NLRP14: variants seen among roughly 807,000 people sequenced by gnomAD.
NLRP14 encodes the protein NACHT, LRR and PYD domains-containing protein 14.
A neutral mutation model predicts 94.7 loss-of-function variants in NLRP14; 105 were observed. The observed-to-expected ratio is 1.11, with a 90% CI of 0.95 to 1.30. NLRP14 has a LOEUF of 1.30. Among genes scored for constraint, NLRP14 ranks in the 50% most tolerant of loss-of-function variants. NLRP14 has a pLI of 0.00. For missense variants in NLRP14, 1,362 were observed against 1,254.1 expected (o/e 1.09, Z -1.30); for synonymous variants, 508 against 459.9 (o/e 1.10, Z -1.34).
chr11:7,036,381 T>A (rs989818905), intron 1 of NLRP14, among the ~76,000 whole-genome samples: 4 of 152,180 alleles, frequency 2.6e-5, no homozygotes, highest in Non-Finnish European at 5.9e-5. Context: ...CTACTATAAT[T>A]GTAGATATCA....
At chr11:7,085,083 G>A in the NLRP14 span, among the ~76,000 whole-genome samples, 1 of 151,944 alleles carries the variant, frequency 6.6e-6, no homozygotes, top group South Asian at 2.1e-4. Context: ...GTAGCATTAA[G>A]TATATTCATA....
At chr11:7,089,410 C>T in the NLRP14 span, 20 of 1,580,640 alleles carry the variant, frequency 1.3e-5, no homozygotes, top group Admixed American at 9.0e-5. Flanking sequence ...CGGGGCCCGC[C>T]GCCTCCCCGC....
At chr11:7,079,207 G>A in the NLRP14 span, among the ~76,000 whole-genome samples, 1 of 152,064 alleles carries the variant, frequency 6.6e-6, no homozygotes, top group South Asian at 2.1e-4. Flanking sequence ...CTTCATCTTG[G>A]AGCTTCTCCG....
At chr11:7,035,921 A>G (rs942754270) in intron 1 of NLRP14, among the ~76,000 whole-genome samples, 1 of 152,230 alleles carries the variant, frequency 6.6e-6, no homozygotes, top group African/African-American at 2.4e-5. Context: ...TATGTAGTAG[A>G]AAGAGAATGA....
intron 1 of NLRP14, among the ~76,000 whole-genome samples, chr11:7,035,135 T>C (rs546138624): frequency 0.039 from 4,719 of 122,526 alleles, 99 homozygotes; most frequent in Middle Eastern, 0.078. Context: ...CTACTAAAAA[T>C]CCAAAAATAA....
At chr11:7,037,425 A>G (rs973528250) in intron 1 of NLRP14, among the ~76,000 whole-genome samples, 3 of 151,764 alleles carry the variant, frequency 2.0e-5, no homozygotes, top group Non-Finnish European at 2.9e-5. Context: ...TTTTCCAATC[A>G]TATTAGCAAG....
chr11:7,041,720 T>C (rs756465802), intron 3 of NLRP14, among the ~76,000 whole-genome samples: 27 of 152,178 alleles, frequency 1.8e-4, no homozygotes, highest in African/African-American at 5.3e-4. Flanking sequence ...ATGAAAAATA[T>C]ACTGTTTTGA....
chr11:7,059,752 C>T (rs977309940), intron 8 of NLRP14, 142 bp from the exon 9 acceptor site: 1 of 731,734 alleles, frequency 1.4e-6, no homozygotes, highest in Admixed American at 2.0e-5. Context: ...CCAAGTGAGA[C>T]AGGCTGGCAG....
chr11:7,069,220 G>T (rs1269699769), intron 10 of NLRP14, among the ~76,000 whole-genome samples: 1 of 152,092 alleles, frequency 6.6e-6, no homozygotes, highest in South Asian at 2.1e-4. Context: ...GGAAGATTTT[G>T]TGTGATATTT....
chr11:7,021,880 A>G (rs1851947707), intron 1 of NLRP14, among the ~76,000 whole-genome samples: 1 of 151,754 alleles, frequency 6.6e-6, no homozygotes, highest in South Asian at 2.1e-4. Context: ...GAACACTGGA[A>G]GTGGGCTGTT....
chr11:7,039,023 T>C, intron 2 of NLRP14, 148 bp downstream of exon 2: 1 of 749,146 alleles, frequency 1.3e-6, no homozygotes, highest in Non-Finnish European at 2.1e-6. Context: ...GGGAGCTTGT[T>C]GAATTATTTG....
intron 1 of NLRP14, among the ~76,000 whole-genome samples, chr11:7,027,396 C>G (rs1303388918): frequency 6.6e-6 from 1 of 152,034 alleles, no homozygotes; most frequent in African/African-American, 2.4e-5. Flanking sequence ...TGGCTGTCTT[C>G]TTGTAGAGTC....
chr11:7,046,894 C>A, intron 5 of NLRP14, 62 bp downstream of exon 5: 1 of 1,241,112 alleles, frequency 8.1e-7, no homozygotes, highest in South Asian at 1.2e-5. Flanking sequence ...TCCCATCTTC[C>A]ACTCATACTC....
rs1329030180 is a variant in NLRP14, at chr11:7,020,651, G to A, written c.-141G>A. On this transcript the variant is annotated 5_prime_UTR_variant, in exon 1 of 12. Transcript: ENST00000299481. ...TGACCCTCACCACCGCGACGACCCC[G>A]AGGAAACGCTGTCAGGTCGCCTTTG... is the stretch of plus-strand genomic sequence containing the variant. 1 of 152,310 alleles carries A rather than the reference G, an allele frequency of 6.6e-6. No homozygotes were observed. The highest frequency in any genetic ancestry group is 1.5e-5 in the Non-Finnish European group (1 of 68,080). The allele number at this position is 152,310 out of a possible 1,614,324, so 9.4% of individuals were successfully genotyped here. A position where few individuals can be genotyped will look rare whatever the true frequency, so the allele number is the denominator to read the frequency against.
chr11:7,028,415 G>A lies in NLRP14; in HGVS notation c.-22+7645G>A, dbSNP rs190189837. Among the ~76,000 whole-genome samples, 397 of 152,094 alleles carry A rather than the reference G, an allele frequency of 2.6e-3. 3 individuals carry two copies. The highest frequency in any genetic ancestry group is 9.3e-3 in the African/African-American group (388 of 41,504). On this transcript the variant is annotated intron_variant, in intron 1 of 11. Coordinates refer to ENST00000299481, the MANE Select transcript of NLRP14 (RefSeq NM_176822.4). ...CAGCACCACGACTGCTACCGGCCTC[G>A]CCCTAGACATCATTTTCTCTCATCT... is the stretch of plus-strand genomic sequence containing the variant.
chr11:7,035,634 C>G (rs1226547722), intron 1 of NLRP14, among the ~76,000 whole-genome samples: 1 of 152,160 alleles, frequency 6.6e-6, no homozygotes, highest in Non-Finnish European at 1.5e-5. Context: ...TCAATCCGGA[C>G]TATATGAAAA....
intron 9 of NLRP14, among the ~76,000 whole-genome samples, chr11:7,060,467 A>AT (rs1852599775): frequency 6.6e-6 from 1 of 151,010 alleles, no homozygotes; most frequent in African/African-American, 2.4e-5. Flanking sequence ...TGGGAAGGAG[A>AT]TTTTTACAGT....
At chr11:7,046,519 C>G in intron 4 of NLRP14, 149 bp from the exon 5 acceptor site, 1 of 731,420 alleles carries the variant, frequency 1.4e-6, no homozygotes, top group Non-Finnish European at 2.4e-6. Context: ...AGGAAGACTT[C>G]CTGGTGGACT....
chr11:7,057,863 T>C lies in NLRP14; in HGVS notation c.2462+16T>C. On this transcript the variant is annotated intron_variant, in intron 7 of 11. Coordinates refer to ENST00000299481, the MANE Select transcript of NLRP14 (RefSeq NM_176822.4). ...AGAGACTGTCGTGAGTGTTTCTGTTTTGTTTTCTGTAGAGTCATTTTGCTT... is the reference window on the plus strand; with the variant it reads ...AGAGACTGTCGTGAGTGTTTCTGTTCTGTTTTCTGTAGAGTCATTTTGCTT... 1 of 1,606,704 alleles carries C rather than the reference T, an allele frequency of 6.2e-7. No homozygotes were observed. Among genetic ancestry groups the C allele is most frequent in the South Asian group, 1.1e-5 (1 of 90,944 alleles).
Sources: gnomAD v4.1 joint callset for allele counts (sites outside exome capture counted in the v4.1 genomes callset) on GRCh38, gnomAD v4.1.1 for gene constraint, MANE v1.5 for transcripts, NCBI Gene and HGNC (gene_info 2026-07-23, HGNC 2026-07-21) for gene names.